Variants in MAD1L1 observed in about 807,000 individuals in gnomAD.
MAD1L1 encodes mitotic arrest deficient 1 like 1.
In MAD1L1, 95 loss-of-function variants were observed where a neutral mutation model predicts 96.9. The observed-to-expected ratio is 0.98, with a 90% CI of 0.83 to 1.16. The LOEUF (loss-of-function observed/expected upper bound fraction) is 1.16, where lower values mean the gene tolerates loss of function less well. MAD1L1 is among the 50% of genes most tolerant of loss of function. The pLI is 0.00. For synonymous variants in MAD1L1, 473 were observed against 396.6 expected, an observed-to-expected ratio of 1.19 and a Z score of -2.29; for missense variants, 1,007 against 954.4, an observed-to-expected ratio of 1.06 and a Z score of -0.73.
intron 18 of MAD1L1, chr7:1,846,691 G>A (rs1562451151): frequency 6.2e-6 from 1 of 161,060 alleles, no homozygotes; most frequent in Admixed American, 5.8e-5. Context: ...CATTTCTGTT[G>A]TTCCCAGAGC....
At chr7:1,957,985 G>C (rs1384494556) in intron 15 of MAD1L1, among the ~76,000 whole-genome samples, 1 of 152,220 alleles carries the variant, frequency 6.6e-6, no homozygotes, top group African/African-American at 2.4e-5. Context: ...ACCACACCTT[G>C]GCTGGAAGCA....
At chr7:1,903,243 G>A (rs550567515) in intron 17 of MAD1L1, among the ~76,000 whole-genome samples, 34 of 151,546 alleles carry the variant, frequency 2.2e-4, no homozygotes, top group South Asian at 4.2e-4. Flanking sequence ...CAGGCAGTGA[G>A]GACGCAGTGG....
rs577629678 is a variant in MAD1L1, at chr7:1,891,094, G to A, written c.1998+7106C>T. On this transcript the variant is annotated intron_variant, in intron 18 of 18. Transcript: ENST00000265854. ...GGATGGGCAGAGGGGAAAAAAGGGT[G>A]CACAGAAGCGACACCCCGGGCCAGC... 2.9e-4 allele frequency among the ~76,000 whole-genome samples: 44 copies of A among 152,296 alleles called. No homozygotes were observed. In the South Asian group the frequency reaches 8.5e-3, roughly 29 times the overall value.
intron 17 of MAD1L1, among the ~76,000 whole-genome samples, chr7:1,909,509 C>T (rs1562514526): frequency 6.6e-6 from 1 of 152,220 alleles, no homozygotes; most frequent in Non-Finnish European, 1.5e-5. Flanking sequence ...CGGGTCCTGG[C>T]TGGCTCTGCA....
At chr7:1,943,814 A>C (rs534007801) in intron 16 of MAD1L1, among the ~76,000 whole-genome samples, 4 of 152,130 alleles carry the variant, frequency 2.6e-5, no homozygotes, top group Non-Finnish European at 5.9e-5. Flanking sequence ...ACAGCCCCAA[A>C]GCGGAAACCA....
chr7:2,219,780 C>A (rs1357374765), intron 5 of MAD1L1, among the ~76,000 whole-genome samples: 5 of 152,084 alleles, frequency 3.3e-5, no homozygotes, highest in African/African-American at 4.8e-5. Flanking sequence ...AGGGCCCACC[C>A]TCCTCCTGGT....
At chr7:2,134,916 C>A (rs1350287709) in intron 11 of MAD1L1, among the ~76,000 whole-genome samples, 1 of 152,262 alleles carries the variant, frequency 6.6e-6, no homozygotes, top group Non-Finnish European at 1.5e-5. Context: ...CTTCCTTCAA[C>A]TGCCCGGAAT....
intron 15 of MAD1L1, among the ~76,000 whole-genome samples, chr7:1,959,547 C>A (rs1417429823): frequency 1.3e-5 from 2 of 152,108 alleles, no homozygotes; most frequent in African/African-American, 2.4e-5. Flanking sequence ...TGCTCAGGAC[C>A]ACGGCACGGA....
intron 4 of MAD1L1, among the ~76,000 whole-genome samples, chr7:2,224,196 G>A (rs895626612): frequency 2.6e-5 from 4 of 152,126 alleles, no homozygotes; most frequent in Admixed American, 2.6e-4. Flanking sequence ...GCTGCACACT[G>A]TCCCTCCTGC....
At position 1,936,825 on chromosome 7, in the gene MAD1L1, G is replaced by A. The variant is rs1471906113; in HGVS notation, c.1669C>T (p.Leu557=). 1 of 1,603,556 alleles carries A rather than the reference G, an allele frequency of 6.2e-7. No individual in the cohort carries two copies. The highest frequency in any genetic ancestry group is 8.5e-7 in the Non-Finnish European group (1 of 1,175,880). ...TGCAGCTGGCTGTGGTCCTCGCGCA[G>A]GCGCTGCCTGGCCACACTGGTGGGG... is the stretch of plus-strand genomic sequence containing the variant. ...LNPTSVARQR[L]REDHSQLQAE... Residue 557 remains leucine, a synonymous_variant, in exon 17 of 19, where the codon CTG becomes TTG. Transcript: ENST00000265854.
intron 11 of MAD1L1, among the ~76,000 whole-genome samples, chr7:2,073,055 G>A (rs758272117): frequency 6.6e-6 from 1 of 152,186 alleles, no homozygotes; most frequent in Non-Finnish European, 1.5e-5. Context: ...ACTGGATGTG[G>A]CCTGAGCTGC....
Position 2,114,703 on chromosome 7 carries a change from G to A in MAD1L1, c.1073+34449C>T, listed in dbSNP as rs140253664. Reference sequence around the variant, plus strand: ...TTTAACAAAGTTTTGATGGAGCACAGCCACCCAGAATCAAATACGAATCGC... The same window carrying A: ...TTTAACAAAGTTTTGATGGAGCACAACCACCCAGAATCAAATACGAATCGC... On this transcript the variant is annotated intron_variant, in intron 11 of 18. Coordinates refer to ENST00000265854, the MANE Select transcript of MAD1L1 (RefSeq NM_001013836.2). The surrounding 1 kb of genome is among the most constrained non-coding windows in gnomAD (Gnocchi z 4.2). 6.6e-6 allele frequency among the ~76,000 whole-genome samples: 1 copy of A among 152,320 alleles called. No homozygotes were observed. The highest frequency in any genetic ancestry group is 2.4e-5 in the African/African-American group (1 of 41,578).
chr7:2,065,694 A>T (rs989483473), intron 12 of MAD1L1, among the ~76,000 whole-genome samples: 9 of 152,136 alleles, frequency 5.9e-5, no homozygotes, highest in Admixed American at 2.0e-4. Flanking sequence ...TCACCATGAC[A>T]ACCACAGTCT....
chr7:1,995,382 G>T (rs570602176), intron 14 of MAD1L1, among the ~76,000 whole-genome samples: 2 of 152,180 alleles, frequency 1.3e-5, no homozygotes, highest in African/African-American at 4.8e-5. Flanking sequence ...CCCAGCACAC[G>T]AACTCACTTA....
intron 10 of MAD1L1, among the ~76,000 whole-genome samples, chr7:2,181,573 C>T (rs1234235348): frequency 6.6e-6 from 1 of 152,200 alleles, no homozygotes; most frequent in African/African-American, 2.4e-5. Context: ...AAAAGGAACA[C>T]TTTTACATTG....
intron 11 of MAD1L1, among the ~76,000 whole-genome samples, chr7:2,113,565 G>C (rs1787495810): frequency 6.6e-6 from 1 of 152,162 alleles, no homozygotes; most frequent in African/African-American, 2.4e-5. Flanking sequence ...GGGCAACAGA[G>C]CGAGACTCTA....
At chr7:2,097,883 G>C (rs1290519678) in intron 11 of MAD1L1, among the ~76,000 whole-genome samples, 3 of 152,254 alleles carry the variant, frequency 2.0e-5, no homozygotes, top group African/African-American at 7.2e-5. Context: ...TCCTCAGCAA[G>C]GGACGAGGGC....
rs189448954 is a variant in MAD1L1, at chr7:1,875,207, G to T, written c.1998+22993C>A. 3.3e-5 allele frequency among the ~76,000 whole-genome samples: 5 copies of T among 152,350 alleles called. No homozygotes were observed. The East Asian group carries it at 9.6e-4, about 29-fold the overall frequency. ...CCTTCAGACTCAGCTGTTCCCAGGG[G>T]CCCTGCTGCTGCCCTGCCCGCCCCC... is the stretch of plus-strand genomic sequence containing the variant. On this transcript the variant is annotated intron_variant, in intron 18 of 18. Coordinates refer to ENST00000265854, the MANE Select transcript of MAD1L1 (RefSeq NM_001013836.2).
Position 2,114,690 on chromosome 7 carries a change from T to C in MAD1L1, c.1073+34462A>G, listed in dbSNP as rs1787570867. Among the ~76,000 whole-genome samples, 1 of 152,194 alleles carries C rather than the reference T, an allele frequency of 6.6e-6. No individual in the cohort carries two copies. Among genetic ancestry groups the C allele is most frequent in the African/African-American group, 2.4e-5 (1 of 41,442 alleles). ...CAACTTTTGTTTTTTTAACAAAGTT[T>C]TGATGGAGCACAGCCACCCAGAATC... On this transcript the variant is annotated intron_variant, in intron 11 of 18. Transcript: ENST00000265854. The surrounding 1 kb of genome is among the most constrained non-coding windows in gnomAD (Gnocchi z 4.2).
Sources: allele counts gnomAD v4.1 joint callset (sites outside exome capture counted in the v4.1 genomes callset), GRCh38; gene constraint gnomAD v4.1.1; non-coding constraint Gnocchi (gnomAD v3.1); transcripts MANE v1.5; gene names NCBI Gene and HGNC (gene_info 2026-07-23, HGNC 2026-07-21).